The following TMTC1 variants were observed in gnomAD, a reference collection of about 807,000 sequenced individuals.
TMTC1 encodes transmembrane O-mannosyltransferase targeting cadherins 1, also known as protein O-mannosyl-transferase TMTC1.
In TMTC1, 73 loss-of-function variants were observed where a neutral mutation model predicts 104.8. The ratio of observed to expected loss-of-function variants is 0.70; its 90% confidence interval spans 0.58 to 0.85. TMTC1 has a LOEUF of 0.85. Ranked by LOEUF, TMTC1 falls within the 40% of genes least tolerant of loss-of-function variation. TMTC1 has a pLI of 0.00. For missense variants in TMTC1, 1,035 were observed against 1,096.1 expected (o/e 0.94, Z 0.79); for synonymous variants, 434 against 428.7 (o/e 1.01, Z -0.15).
chr12:29,646,208 T>C (rs969512531), intron 5 of TMTC1, among the ~76,000 whole-genome samples: 1 of 152,220 alleles, frequency 6.6e-6, no homozygotes. Context: ...GGAGCTTTCA[T>C]GTAGTCCTAG....
intron 7 of TMTC1, among the ~76,000 whole-genome samples, chr12:29,584,508 T>G (rs1013557848): frequency 2.0e-5 from 3 of 152,154 alleles, no homozygotes; most frequent in Non-Finnish European, 2.9e-5. Context: ...TTGTTACATA[T>G]GTATACATGT....
intron 5 of TMTC1, among the ~76,000 whole-genome samples, chr12:29,633,963 A>G (rs1344336203): frequency 6.6e-6 from 1 of 152,148 alleles, no homozygotes; most frequent in Non-Finnish European, 1.5e-5. Context: ...AGAAAATGGA[A>G]TTTATTTAAA....
At chr12:29,523,946 T>C (rs1944262142) in intron 11 of TMTC1, among the ~76,000 whole-genome samples, 1 of 152,170 alleles carries the variant, frequency 6.6e-6, no homozygotes, top group Non-Finnish European at 1.5e-5. Context: ...TAATTTTGTT[T>C]AACAGTTTCT....
intron 6 of TMTC1, among the ~76,000 whole-genome samples, chr12:29,630,118 T>A (rs1393901366): frequency 6.6e-6 from 1 of 152,214 alleles, no homozygotes; most frequent in Non-Finnish European, 1.5e-5. Flanking sequence ...ATGTTTTCTG[T>A]CATTATAATT....
chr12:29,670,036 T>C (rs1940446784), intron 5 of TMTC1, among the ~76,000 whole-genome samples: 3 of 152,176 alleles, frequency 2.0e-5, no homozygotes, highest in South Asian at 4.1e-4. Flanking sequence ...TTTCCATCCA[T>C]CCAAGTTTGT....
intron 6 of TMTC1, among the ~76,000 whole-genome samples, chr12:29,632,322 G>A (rs1445744503): frequency 6.6e-6 from 1 of 152,168 alleles, no homozygotes; most frequent in African/African-American, 2.4e-5. Flanking sequence ...TGATTTGTCT[G>A]TGTCACTACC....
chr12:29,677,130 A>T (rs1940756249), intron 5 of TMTC1, among the ~76,000 whole-genome samples: 1 of 152,216 alleles, frequency 6.6e-6, no homozygotes, highest in Admixed American at 6.5e-5. Context: ...CAGCATAAAT[A>T]AATTCACTGG....
At chr12:29,632,541 C>T (rs1938351440) in intron 6 of TMTC1, among the ~76,000 whole-genome samples, 1 of 152,160 alleles carries the variant, frequency 6.6e-6, no homozygotes, top group Non-Finnish European at 1.5e-5. Context: ...TGAAGAAGGA[C>T]ATGTTTGCTT....
chr12:29,603,602 T>C (rs1259582033), intron 7 of TMTC1, among the ~76,000 whole-genome samples: 1 of 152,088 alleles, frequency 6.6e-6, no homozygotes, highest in East Asian at 1.9e-4. Flanking sequence ...AACAATGACA[T>C]TGGAATAAGA....
At chr12:29,612,354 A>C (rs1276671108) in intron 6 of TMTC1, among the ~76,000 whole-genome samples, 1 of 152,186 alleles carries the variant, frequency 6.6e-6, no homozygotes, top group Non-Finnish European at 1.5e-5. Context: ...TTTCTTGTCA[A>C]GTACTCTGAA....
At chr12:29,509,005 A>G (rs1252088279) in intron 17 of TMTC1, among the ~76,000 whole-genome samples, 1 of 152,212 alleles carries the variant, frequency 6.6e-6, no homozygotes, top group Non-Finnish European at 1.5e-5. Context: ...ACTAGTCACA[A>G]GTGGCTTTTC....
intron 5 of TMTC1, among the ~76,000 whole-genome samples, chr12:29,685,655 C>T: frequency 6.6e-6 from 1 of 151,824 alleles, no homozygotes. Context: ...AAAAAAGAGG[C>T]CTGGTTTGCA....
At chr12:29,711,390 A>G (rs1278444153) in intron 5 of TMTC1, among the ~76,000 whole-genome samples, 7 of 152,220 alleles carry the variant, frequency 4.6e-5, no homozygotes, top group Non-Finnish European at 4.4e-5. Flanking sequence ...AGTCTCTATG[A>G]GTTCAAATTT....
intron 2 of TMTC1, among the ~76,000 whole-genome samples, chr12:29,759,502 A>T (rs1181593345): frequency 6.6e-6 from 1 of 152,158 alleles, no homozygotes; most frequent in African/African-American, 2.4e-5. Flanking sequence ...CTCAAAAAAT[A>T]AAAAAATAAA....
intron 5 of TMTC1, among the ~76,000 whole-genome samples, chr12:29,652,547 TA>T (rs1403275629): frequency 6.6e-6 from 1 of 152,244 alleles, no homozygotes; most frequent in Non-Finnish European, 1.5e-5. Context: ...AAAGGTAGTG[TA>T]ATGTTCATAG....
chr12:29,782,037 C>G (rs1943846210), intron 1 of TMTC1, among the ~76,000 whole-genome samples: 1 of 152,188 alleles, frequency 6.6e-6, no homozygotes, highest in Admixed American at 6.5e-5. Flanking sequence ...TGTGAACTTG[C>G]ACATCCTAAA....
chr12:29,718,623 C>T (rs545272263), intron 5 of TMTC1, among the ~76,000 whole-genome samples: 1 of 152,246 alleles, frequency 6.6e-6, no homozygotes, highest in South Asian at 2.1e-4. Flanking sequence ...AAAACAAACA[C>T]AATCAATTAT....
chr12:29,700,225 T>C (rs1941546562), intron 5 of TMTC1, among the ~76,000 whole-genome samples: 1 of 151,042 alleles, frequency 6.6e-6, no homozygotes, highest in African/African-American at 2.4e-5. Flanking sequence ...ATTTTTGTTT[T>C]TCTTTTTTTT....
intron 5 of TMTC1, among the ~76,000 whole-genome samples, chr12:29,707,987 T>C (rs952733677): frequency 7.9e-5 from 12 of 152,180 alleles, no homozygotes; most frequent in African/African-American, 2.9e-4. Context: ...AGACATGTAG[T>C]GAACCCCTGC....
Sources: gnomAD v4.1 joint callset for allele counts (sites outside exome capture counted in the v4.1 genomes callset) on GRCh38, gnomAD v4.1.1 for gene constraint, MANE v1.5 for transcripts, NCBI Gene and HGNC (gene_info 2026-07-23, HGNC 2026-07-21) for gene names.